CD82: variants seen among roughly 807,000 people sequenced by gnomAD.
CD82 encodes the protein CD82 antigen.
Under a neutral mutation model 37.4 loss-of-function variants are expected in CD82, and 36 were observed. That is an observed-to-expected ratio of 0.96 (90% CI 0.74 to 1.27). CD82 has a LOEUF of 1.27. Among genes scored for constraint, CD82 ranks in the 50% most tolerant of loss-of-function variants. CD82 has a pLI of 0.00. For synonymous variants in CD82, 158 were observed against 137.4 expected (o/e 1.15, Z -1.05); for missense variants, 340 against 347.0 (o/e 0.98, Z 0.16).
At position 44,605,171 on chromosome 11, in the gene CD82, C is replaced by G. The variant is rs747565395; in HGVS notation, c.250C>G (p.Leu84Val). The change falls in exon 5 of 10, where the codon CTG becomes GTG. Residue 84 changes from leucine (L) to valine (V), a missense_variant. Coordinates refer to ENST00000227155, the MANE Select transcript of CD82 (RefSeq NM_002231.4). The part of the protein sequence containing the change: ...CIGAVNEVRC[L>V]LGLYFAFLLL... ...CGGCGCCGTCAACGAGGTCCGCTGC[C>G]TGCTGGGGCTGGTGAGTACGGATCC... is the stretch of plus-strand genomic sequence containing the variant. The G allele has an allele frequency of 6.2e-7, 1 of 1,613,908 alleles. No homozygotes were observed. Among genetic ancestry groups the G allele is most frequent in the African/African-American group, 1.3e-5 (1 of 74,942 alleles).
chr11:44,574,226 G>A (rs894815486), intron 1 of CD82, among the ~76,000 whole-genome samples: 4 of 152,184 alleles, frequency 2.6e-5, no homozygotes, highest in Non-Finnish European at 5.9e-5. Flanking sequence ...CAGGATCTTG[G>A]TGTTGTGAGA....
At chr11:44,574,632 C>T (rs1186808629) in intron 1 of CD82, among the ~76,000 whole-genome samples, 1 of 152,132 alleles carries the variant, frequency 6.6e-6, no homozygotes, top group Non-Finnish European at 1.5e-5. Flanking sequence ...TGGAAAAATT[C>T]AGGCGGTAAA....
At chr11:44,584,772 G>C (rs916099453) in intron 1 of CD82, among the ~76,000 whole-genome samples, 1 of 152,138 alleles carries the variant, frequency 6.6e-6, no homozygotes, top group Non-Finnish European at 1.5e-5. Context: ...CCTGGTCCTG[G>C]TGTCAGCAGG....
At chr11:44,587,778 C>T in intron 2 of CD82, 1 of 365,950 alleles carries the variant, frequency 2.7e-6, no homozygotes, top group Non-Finnish European at 5.5e-6. Context: ...AGAGCTGGCC[C>T]AGGGTTGAGC....
chr11:44,568,979 G>A (rs1259877866), intron 1 of CD82, among the ~76,000 whole-genome samples: 1 of 152,228 alleles, frequency 6.6e-6, no homozygotes, highest in Admixed American at 6.5e-5. Context: ...CTGCCCCATG[G>A]GAAGCTCACA....
intron 2 of CD82, among the ~76,000 whole-genome samples, chr11:44,591,773 A>G (rs765590536): frequency 6.6e-6 from 1 of 152,094 alleles, no homozygotes; most frequent in Non-Finnish European, 1.5e-5. Flanking sequence ...AGTAGTTGCT[A>G]TTCCCTGGCG....
rs1695834724 is a variant in CD82, at chr11:44,619,399, C to A, written c.*273C>A. ...AAAATGCTCCCCACAGCGTCCCTGG[C>A]GCAGGTGGGCTGGACTTCTACCTGC... On this transcript the variant is annotated 3_prime_UTR_variant, in exon 10 of 10. Coordinates refer to ENST00000227155, the MANE Select transcript of CD82 (RefSeq NM_002231.4). 3 of 489,534 alleles carry A rather than the reference C, an allele frequency of 6.1e-6. No homozygotes were observed. Among genetic ancestry groups the A allele is most frequent in the Non-Finnish European group, 7.4e-6 (2 of 268,598 alleles). The allele number at this position is 489,534 out of a possible 1,614,324, so 30.3% of individuals were successfully genotyped here. A position where few individuals can be genotyped will look rare whatever the true frequency, so the allele number is the denominator to read the frequency against.
At chr11:44,601,365 C>T (rs1006701333) in intron 4 of CD82, among the ~76,000 whole-genome samples, 2 of 152,114 alleles carry the variant, frequency 1.3e-5, no homozygotes, top group East Asian at 3.9e-4. Context: ...ACATCTGATG[C>T]ACCCCGGGGC....
intron 1 of CD82, among the ~76,000 whole-genome samples, chr11:44,586,688 T>C (rs1319245690): frequency 1.3e-5 from 2 of 152,158 alleles, no homozygotes; most frequent in Admixed American, 6.5e-5. Context: ...TAAAAAATCC[T>C]GTCTTAGGAG....
intron 2 of CD82, among the ~76,000 whole-genome samples, chr11:44,591,782 C>T (rs1380005381): frequency 2.0e-5 from 3 of 152,012 alleles, no homozygotes; most frequent in East Asian, 1.9e-4. Flanking sequence ...TATTCCCTGG[C>T]GGCCACTCCT....
At chr11:44,578,812 C>A (rs1242175915) in intron 1 of CD82, among the ~76,000 whole-genome samples, 1 of 152,176 alleles carries the variant, frequency 6.6e-6, no homozygotes, top group African/African-American at 2.4e-5. Context: ...TAGGAGCTGG[C>A]ATAGGGACTG....
chr11:44,593,267 G>A (rs888935384), intron 2 of CD82, among the ~76,000 whole-genome samples: 2 of 152,218 alleles, frequency 1.3e-5, no homozygotes, highest in Non-Finnish European at 2.9e-5. Flanking sequence ...CCGGGCCTCC[G>A]GCTTTCCTTT....
intron 6 of CD82, among the ~76,000 whole-genome samples, chr11:44,609,410 G>A (rs1853448298): frequency 6.6e-6 from 1 of 152,060 alleles, no homozygotes; most frequent in South Asian, 2.1e-4. Context: ...TGCCAGGGAG[G>A]CCCCTGAGGC....
rs537593877 is a variant in CD82, at chr11:44,615,384, G to C, written c.438+11G>C. The C allele has an allele frequency of 8.5e-5, 134 of 1,575,502 alleles. No individual in the cohort carries two copies. The Middle Eastern group carries it at 1.2e-3, about 14-fold the overall frequency. ...TACGTGCAGGCTCAGGTGAGGTGGG[G>C]CGGGGCTGCAGGAGGCTCTCTGGCC... On this transcript the variant is annotated intron_variant, in intron 7 of 9. Transcript: ENST00000227155.
rs765407843 is a variant in CD82, at chr11:44,605,319, C to A, written c.262-36C>A. The A allele has an allele frequency of 4.3e-6, 7 of 1,613,046 alleles. No homozygotes were observed. The East Asian group carries it at 1.1e-4, about 26-fold the overall frequency. On this transcript the variant is annotated intron_variant, in intron 5 of 9. Transcript: ENST00000227155. ...CAGGCTGGGTGCACCTGGTCGGGGA[C>A]CCTCAGCTGACTTTGTGCCTGCTCT...
At chr11:44,574,205 G>A (rs927987279) in intron 1 of CD82, among the ~76,000 whole-genome samples, 3 of 152,166 alleles carry the variant, frequency 2.0e-5, no homozygotes, top group African/African-American at 7.2e-5. Context: ...GAGGGCTTAC[G>A]TCTAGAGTCA....
intron 1 of CD82, among the ~76,000 whole-genome samples, chr11:44,575,106 C>T (rs572058283): frequency 3.3e-5 from 5 of 152,328 alleles, no homozygotes; most frequent in African/African-American, 1.2e-4. Flanking sequence ...TTCAGCCCTA[C>T]TGGTGGGGGA....
chr11:44,604,039 T>A (rs1590344096), intron 4 of CD82, among the ~76,000 whole-genome samples: 1 of 152,346 alleles, frequency 6.6e-6, no homozygotes, highest in South Asian at 2.1e-4. Flanking sequence ...TTGGCTCAAA[T>A]GTCACTGGCT....
At chr11:44,601,021 A>C (rs557623170) in intron 4 of CD82, among the ~76,000 whole-genome samples, 1 of 152,266 alleles carries the variant, frequency 6.6e-6, no homozygotes, top group East Asian at 1.9e-4. Context: ...CAGGGATAAG[A>C]GCCCTTCTGC....
Sources: allele counts gnomAD v4.1 joint callset (sites outside exome capture counted in the v4.1 genomes callset), GRCh38; gene constraint gnomAD v4.1.1; transcripts MANE v1.5; gene names NCBI Gene and HGNC (gene_info 2026-07-23, HGNC 2026-07-21).